The following LRRIQ1 variants were observed in gnomAD, a reference collection of about 807,000 sequenced individuals.
The protein encoded by LRRIQ1 is leucine rich repeats and IQ motif containing 1, also known as leucine-rich repeat- and IQ domain-containing protein 1.
In LRRIQ1, 210 loss-of-function variants were observed where a neutral mutation model predicts 211.9. That is an observed-to-expected ratio of 0.99 (90% CI 0.89 to 1.11). The LOEUF is 1.11. Ranked by LOEUF, LRRIQ1 falls within the 50% of genes most tolerant of loss-of-function variation. LRRIQ1 has a pLI of 0.00. For synonymous variants in LRRIQ1, 699 were observed against 650.1 expected, an observed-to-expected ratio of 1.08 and a Z score of -1.14; for missense variants, 2,136 against 1,939.5, an observed-to-expected ratio of 1.10 and a Z score of -1.90.
At chr12:85,128,167 TGTTGGCTGCAG>T in intron 18 of LRRIQ1, 134 bp downstream of exon 18, 1 of 777,204 alleles carries the variant, frequency 1.3e-6, no homozygotes, top group Non-Finnish European at 2.1e-6. Flanking sequence ...TCAAGTGACA[TGTTGGCTGCAG>T]GTTAGCTGCA....
chr12:85,037,993 ATGAT>A (rs899472306), intron 1 of LRRIQ1, among the ~76,000 whole-genome samples, 156 bp from the exon 2 acceptor site: 41 of 152,120 alleles, frequency 2.7e-4, no homozygotes, highest in African/African-American at 7.0e-4. Context: ...TTTAAAAAGA[ATGAT>A]TGAAGAGATA....
intron 15 of LRRIQ1, among the ~76,000 whole-genome samples, chr12:85,114,037 C>T (rs1887387331): frequency 1.3e-5 from 2 of 151,214 alleles, no homozygotes; most frequent in Admixed American, 6.6e-5. Flanking sequence ...TTTCCACTTA[C>T]CTGTAGTGAC....
chr12:85,081,126 G>A (rs1488617704), intron 11 of LRRIQ1, among the ~76,000 whole-genome samples: 1 of 152,004 alleles, frequency 6.6e-6, no homozygotes, highest in African/African-American at 2.4e-5. Context: ...AAGTAAGGTA[G>A]GGGTTTCTTA....
At chr12:85,125,981 T>C (rs1175620976) in intron 17 of LRRIQ1, among the ~76,000 whole-genome samples, 1 of 152,166 alleles carries the variant, frequency 6.6e-6, no homozygotes, top group Non-Finnish European at 1.5e-5. Context: ...TCACTGCCAA[T>C]TGTATAAGAG....
At chr12:85,242,961 A>G (rs115168744) in intron 26 of LRRIQ1, among the ~76,000 whole-genome samples, 2,225 of 151,816 alleles carry the variant, frequency 0.015, 51 homozygotes, top group African/African-American at 0.049. Flanking sequence ...TATTTTCTTG[A>G]CTGTAGGTTT....
intron 14 of LRRIQ1, among the ~76,000 whole-genome samples, chr12:85,105,270 G>C (rs547743455): frequency 6.6e-6 from 1 of 151,954 alleles, no homozygotes; most frequent in East Asian, 1.9e-4. Flanking sequence ...TTCACTCCCA[G>C]GTTGAAAAGA....
At chr12:85,180,811 T>C (rs2136880950) in intron 24 of LRRIQ1, among the ~76,000 whole-genome samples, 1 of 152,052 alleles carries the variant, frequency 6.6e-6, no homozygotes, top group South Asian at 2.1e-4. Flanking sequence ...TTGATTATAG[T>C]AACTGGATAC....
At chr12:85,067,610 G>A (rs1882581252) in intron 10 of LRRIQ1, among the ~76,000 whole-genome samples, 1 of 151,208 alleles carries the variant, frequency 6.6e-6, no homozygotes, top group African/African-American at 2.4e-5. Context: ...CGAACTCCTG[G>A]ACTCAACAGA....
chr12:85,217,554 A>G (rs1207648569), intron 24 of LRRIQ1, among the ~76,000 whole-genome samples: 2 of 112,560 alleles, frequency 1.8e-5, no homozygotes, highest in African/African-American at 4.5e-5. Flanking sequence ...GTGTGTGTAT[A>G]TAGGTATATA....
intron 24 of LRRIQ1, among the ~76,000 whole-genome samples, chr12:85,215,897 T>C (rs907318872): frequency 2.0e-5 from 3 of 152,174 alleles, no homozygotes; most frequent in African/African-American, 7.2e-5. Flanking sequence ...CTATGTATAG[T>C]TCAAAAGCAA....
chr12:85,120,763 A>T lies in LRRIQ1; in HGVS notation c.3378-934A>T, dbSNP rs1887917032. Among the ~76,000 whole-genome samples the T allele has an allele frequency of 2.0e-5, 3 of 152,108 alleles. No individual in the cohort carries two copies. In the South Asian group the frequency reaches 6.2e-4, roughly 32 times the overall value. ...GGAACTATTAGTTTTTAATTAGGGG[A>T]TTAACTTTATTGAAGGAGTTCACTT... On this transcript the variant is annotated intron_variant, in intron 15 of 26. Transcript: ENST00000393217.
intron 15 of LRRIQ1, among the ~76,000 whole-genome samples, chr12:85,109,553 G>A (rs1020846566): frequency 1.3e-5 from 2 of 152,078 alleles, no homozygotes; most frequent in Non-Finnish European, 2.9e-5. Flanking sequence ...ACGTTAAGCT[G>A]TGCAGCACAG....
chr12:85,064,196 A>G (rs1189639958), intron 8 of LRRIQ1, among the ~76,000 whole-genome samples: 2 of 151,642 alleles, frequency 1.3e-5, no homozygotes, highest in Non-Finnish European at 2.9e-5. Flanking sequence ...CATTTGCCTG[A>G]CTTTTGCACA....
At chr12:85,148,747 C>G (rs1470476209) in intron 19 of LRRIQ1, among the ~76,000 whole-genome samples, 1 of 151,968 alleles carries the variant, frequency 6.6e-6, no homozygotes, top group Non-Finnish European at 1.5e-5. Context: ...AATGGTTGAA[C>G]TAAATTACAT....
chr12:85,089,441 A>G (rs1402701500), intron 11 of LRRIQ1, among the ~76,000 whole-genome samples: 5 of 152,228 alleles, frequency 3.3e-5, no homozygotes, highest in Non-Finnish European at 1.5e-5. Flanking sequence ...TGGAGCCTGG[A>G]TAAATGGTTG....
intron 26 of LRRIQ1, among the ~76,000 whole-genome samples, chr12:85,237,178 T>C (rs1044866690): frequency 6.6e-5 from 10 of 152,042 alleles, no homozygotes; most frequent in Non-Finnish European, 1.5e-4. Flanking sequence ...AAAAACGTTT[T>C]TATAAAACCT....
At chr12:85,197,346 A>G (rs1892978078) in intron 24 of LRRIQ1, among the ~76,000 whole-genome samples, 1 of 152,056 alleles carries the variant, frequency 6.6e-6, no homozygotes, top group East Asian at 1.9e-4. Flanking sequence ...CCAAAGGACT[A>G]TAAATCATGC....
intron 1 of LRRIQ1, among the ~76,000 whole-genome samples, chr12:85,252,758 T>C (rs553043936): frequency 1.3e-5 from 2 of 152,016 alleles, no homozygotes; most frequent in South Asian, 4.1e-4. Context: ...GTTTCCTTTT[T>C]TGAAGATAAA....
chr12:85,062,187 A>G (rs1881894385), intron 8 of LRRIQ1, among the ~76,000 whole-genome samples: 1 of 151,794 alleles, frequency 6.6e-6, no homozygotes, highest in South Asian at 2.1e-4. Context: ...GAATATTCCT[A>G]TCAAGCTAAT....
Sources: allele counts gnomAD v4.1 joint callset (sites outside exome capture counted in the v4.1 genomes callset), GRCh38; gene constraint gnomAD v4.1.1; transcripts MANE v1.5; gene names NCBI Gene and HGNC (gene_info 2026-07-23, HGNC 2026-07-21).